The following MYT1L variants were observed in gnomAD, a reference collection of about 807,000 sequenced individuals.
MYT1L encodes the protein myelin transcription factor 1 like, also known as myelin transcription factor 1-like protein.
In MYT1L, 12 loss-of-function variants were observed where a neutral mutation model predicts 126.7. That is an observed-to-expected ratio of 0.09 (90% CI 0.06 to 0.15). MYT1L has a LOEUF of 0.15. MYT1L is among the 10% of genes least tolerant of loss of function. The probability of loss-of-function intolerance (pLI) is 1.00; values close to 1 mark genes in which losing one functional copy is unlikely to be tolerated. For synonymous variants in MYT1L, 541 were observed against 604.2 expected (o/e 0.90, Z 1.53); for missense variants, 979 against 1,585.2 (o/e 0.62, Z 6.49).
At chr2:2,060,858 C>G in intron 3 of MYT1L, among the ~76,000 whole-genome samples, 1 of 150,802 alleles carries the variant, frequency 6.6e-6, no homozygotes, top group Non-Finnish European at 1.5e-5. Flanking sequence ...CTCTCTCTCT[C>G]CTTCCTTTTT....
intron 2 of MYT1L, among the ~76,000 whole-genome samples, chr2:2,200,564 C>G (rs1053798169): frequency 6.6e-6 from 1 of 152,160 alleles, no homozygotes; most frequent in African/African-American, 2.4e-5. Context: ...GAACTTAATC[C>G]CCTCTGCAAA....
chr2:2,026,071 A>G (rs2065523717), intron 4 of MYT1L, among the ~76,000 whole-genome samples: 1 of 152,180 alleles, frequency 6.6e-6, no homozygotes, highest in Non-Finnish European at 1.5e-5. Flanking sequence ...TTCCCTCAGT[A>G]CCACCATGTG....
chr2:2,112,466 G>A (rs1289276243), intron 3 of MYT1L, among the ~76,000 whole-genome samples: 1 of 152,170 alleles, frequency 6.6e-6, no homozygotes, highest in African/African-American at 2.4e-5. Flanking sequence ...TAACACAATT[G>A]TACTGACTTC....
At position 2,250,560 on chromosome 2, in the gene MYT1L, CAA is replaced by C. The variant is rs1230829158; in HGVS notation, c.-421+33842_-421+33843del. ...GGGAAGTGGGGATGGTGAAAGGGTA[CAA>C]AAAAAAAAAAAAAGGACAAATAAGG... On this transcript the variant is annotated intron_variant, in intron 2 of 24. Transcript: ENST00000647738. Among the ~76,000 whole-genome samples, 321 of 90,716 alleles carry C rather than the reference CAA, an allele frequency of 3.5e-3. 1 individual carries two copies. The highest frequency in any genetic ancestry group is 0.012 in the African/African-American group (288 of 24,406). 59.5% of individuals were successfully genotyped at this position (90,716 alleles called of 152,430 possible).
intron 2 of MYT1L, among the ~76,000 whole-genome samples, chr2:2,178,153 A>C (rs1280985980): frequency 6.6e-6 from 1 of 152,158 alleles, no homozygotes; most frequent in Non-Finnish European, 1.5e-5. Flanking sequence ...GTAACAAAAT[A>C]AACTGAAAAA....
At chr2:1,834,410 T>C (rs1341903124) in intron 21 of MYT1L, among the ~76,000 whole-genome samples, 2 of 152,232 alleles carry the variant, frequency 1.3e-5, no homozygotes, top group Non-Finnish European at 2.9e-5. Flanking sequence ...TATTACACTT[T>C]CAGAAAATAA....
chr2:1,986,177 C>T (rs2061003291), intron 5 of MYT1L, among the ~76,000 whole-genome samples: 1 of 152,230 alleles, frequency 6.6e-6, no homozygotes, highest in Non-Finnish European at 1.5e-5. Context: ...TGGTCAGCTA[C>T]ATTGTTAATA....
Position 1,801,920 on chromosome 2 carries a change from T to C in MYT1L, c.3173-121A>G. The C allele has an allele frequency of 1.6e-6, 1 of 615,618 alleles. No individual in the cohort carries two copies. The highest frequency in any genetic ancestry group is 2.7e-6 in the Non-Finnish European group (1 of 365,872). 38.1% of individuals were successfully genotyped at this position (615,618 alleles called of 1,614,324 possible). The stretch of plus-strand genomic sequence containing the variant: ...TTGAATTTGCTTGGAAAATAGACTC[T>C]TGAATTAGAAAGGAAAAAATCATCA... On this transcript the variant is annotated intron_variant, in intron 22 of 24. Transcript: ENST00000647738. This position sits in a 1 kb window ranked among gnomAD's most constrained non-coding sequence, Gnocchi z 4.2.
In MYT1L at chr2:1,830,718, C is replaced by T. The variant is rs149521162; in HGVS notation, c.3080+8431G>A. On this transcript the variant is annotated intron_variant, in intron 21 of 24. Transcript: ENST00000647738. ...ATGCTCCCAGAGACAGGAGGAAGGC[C>T]AGGCCTGGGGAACTGTGGAGGGTGG... Among the ~76,000 whole-genome samples, 354 of 152,246 alleles carry T rather than the reference C, an allele frequency of 2.3e-3. 3 individuals carry two copies. Among genetic ancestry groups the T allele is most frequent in the African/African-American group, 8.0e-3 (331 of 41,556 alleles).
chr2:2,003,764 C>T (rs751137734), intron 4 of MYT1L, among the ~76,000 whole-genome samples: 39 of 152,130 alleles, frequency 2.6e-4, no homozygotes, highest in Non-Finnish European at 4.3e-4. Flanking sequence ...GTGTGGACCC[C>T]CACTTTCCCT....
chr2:2,120,239 A>T (rs192118686), intron 3 of MYT1L, among the ~76,000 whole-genome samples: 1 of 152,196 alleles, frequency 6.6e-6, no homozygotes, highest in East Asian at 1.9e-4. Flanking sequence ...CAGCCCTGGG[A>T]GGGAGTGGTC....
At chr2:2,036,829 C>T (rs1175944141) in intron 4 of MYT1L, among the ~76,000 whole-genome samples, 2 of 152,180 alleles carry the variant, frequency 1.3e-5, no homozygotes, top group Non-Finnish European at 2.9e-5. Context: ...TCCCTGGCAG[C>T]CTTTTGTTTT....
Position 2,228,485 on chromosome 2 carries a change from A to T in MYT1L, c.-420-55497T>A, listed in dbSNP as rs200197114. On this transcript the variant is annotated intron_variant, in intron 2 of 24. Coordinates refer to ENST00000647738, the MANE Select transcript of MYT1L (RefSeq NM_001303052.2). This position sits in a 1 kb window ranked among gnomAD's most constrained non-coding sequence, Gnocchi z 5.9. ...AATAGTTAAGATTTTTGCTGAAATC[A>T]GCAAGACAAATTGAACTTTAGAACT... Among the ~76,000 whole-genome samples the T allele has an allele frequency of 4.6e-5, 7 of 152,366 alleles. No homozygotes were observed. In the East Asian group the frequency reaches 1.3e-3, roughly 29 times the overall value.
intron 9 of MYT1L, among the ~76,000 whole-genome samples, chr2:1,933,706 G>A (rs921684553): frequency 6.6e-6 from 1 of 152,122 alleles, no homozygotes; most frequent in African/African-American, 2.4e-5. Context: ...GTGGCAACAG[G>A]CCCAGGACAG....
At chr2:2,294,876 C>T (rs574529374) in intron 1 of MYT1L, among the ~76,000 whole-genome samples, 2 of 152,194 alleles carry the variant, frequency 1.3e-5, no homozygotes, top group East Asian at 1.9e-4. Context: ...AGTCCCTGTC[C>T]GCAAGAAGCT....
At chr2:2,004,233 T>C (rs1290524702) in intron 4 of MYT1L, among the ~76,000 whole-genome samples, 1 of 142,870 alleles carries the variant, frequency 7.0e-6, no homozygotes, top group African/African-American at 2.5e-5. Flanking sequence ...AGGCGTTCTT[T>C]CCTGCAGGCG....
At chr2:1,950,995 G>A (rs762928837) in intron 8 of MYT1L, among the ~76,000 whole-genome samples, 6 of 152,142 alleles carry the variant, frequency 3.9e-5, no homozygotes, top group Admixed American at 3.3e-4. Context: ...CGGCCTGGTT[G>A]CCAGCTCAGG....
At chr2:2,197,750 T>A (rs896349218) in intron 2 of MYT1L, among the ~76,000 whole-genome samples, 2 of 127,794 alleles carry the variant, frequency 1.6e-5, no homozygotes, top group African/African-American at 6.2e-5. Flanking sequence ...TATACACACA[T>A]GCACACACAC....
intron 2 of MYT1L, among the ~76,000 whole-genome samples, chr2:2,194,153 C>T (rs538609192): frequency 7.9e-5 from 12 of 152,064 alleles, no homozygotes; most frequent in East Asian, 3.9e-4. Flanking sequence ...GGTCATGGCT[C>T]GCTGCAGCCT....
Sources: gnomAD v4.1 joint callset for allele counts (sites outside exome capture counted in the v4.1 genomes callset) on GRCh38, gnomAD v4.1.1 for gene constraint, Gnocchi (gnomAD v3.1) non-coding constraint, MANE v1.5 for transcripts, NCBI Gene and HGNC (gene_info 2026-07-23, HGNC 2026-07-21) for gene names.